Variants in UBASH3B observed in about 807,000 individuals in gnomAD.
UBASH3B encodes the protein ubiquitin-associated and SH3 domain-containing protein B.
In UBASH3B, 37 loss-of-function variants were observed where a neutral mutation model predicts 83.4. The observed-to-expected ratio is 0.44, with a 90% CI of 0.34 to 0.58. The LOEUF is 0.58. Among genes scored for constraint, UBASH3B ranks in the 20% least tolerant of loss-of-function variants. The pLI is 0.01. For missense variants in UBASH3B, 657 were observed against 827.2 expected (o/e 0.79, Z 2.52); for synonymous variants, 304 against 318.3 (o/e 0.96, Z 0.48).
intron 1 of UBASH3B, among the ~76,000 whole-genome samples, chr11:122,718,383 TTGGGTA>T: frequency 6.6e-6 from 1 of 152,190 alleles, no homozygotes. Context: ...GTGCATGGCA[TTGGGTA>T]CTAGTGTTAT....
Position 122,814,145 on chromosome 11 carries a change from C to T in UBASH3B, c.*4259C>T, listed in dbSNP as rs1861500350. The stretch of plus-strand genomic sequence containing the variant: ...TGCCACTCAAGATGGAAACACCATG[C>T]CAAGGCATTTTGGTTATACACAGAT... On this transcript the variant is annotated 3_prime_UTR_variant, in exon 14 of 14. Coordinates refer to ENST00000284273, the MANE Select transcript of UBASH3B (RefSeq NM_032873.5). 6.6e-6 allele frequency: 1 copy of T among 152,620 alleles called. No homozygotes were observed. The highest frequency in any genetic ancestry group is 1.5e-5 in the Non-Finnish European group (1 of 68,050). 9.5% of individuals were successfully genotyped at this position (152,620 alleles called of 1,614,324 possible). A position where few individuals can be genotyped will look rare whatever the true frequency, so the allele number is the denominator to read the frequency against.
At chr11:122,744,118 G>A (rs186019481) in intron 1 of UBASH3B, among the ~76,000 whole-genome samples, 56 of 152,220 alleles carry the variant, frequency 3.7e-4, no homozygotes, top group Admixed American at 1.2e-3. Flanking sequence ...CCTTTACAGC[G>A]GTTCTCACTT....
chr11:122,668,774 A>G (rs1393289770), intron 1 of UBASH3B, among the ~76,000 whole-genome samples: 1 of 152,216 alleles, frequency 6.6e-6, no homozygotes, highest in Non-Finnish European at 1.5e-5. Context: ...AAGTGATACT[A>G]TTATTTGTTA....
chr11:122,725,561 G>A (rs1055410416), intron 1 of UBASH3B, among the ~76,000 whole-genome samples: 129 of 33,424 alleles, frequency 3.9e-3, no homozygotes, highest in Admixed American at 3.5e-3. Flanking sequence ...GTGCAGTAGC[G>A]ACATTATACT....
chr11:122,678,074 A>G (rs2135906322), intron 1 of UBASH3B, among the ~76,000 whole-genome samples: 1 of 152,378 alleles, frequency 6.6e-6, no homozygotes, highest in Admixed American at 6.5e-5. Context: ...TATAGGCATG[A>G]GCCAAGGGCA....
chr11:122,805,295 C>T (rs189662824), intron 11 of UBASH3B, among the ~76,000 whole-genome samples: 4 of 152,186 alleles, frequency 2.6e-5, no homozygotes, highest in South Asian at 2.1e-4. Flanking sequence ...TTTGGGAGGC[C>T]GAGGTGGGCG....
intron 1 of UBASH3B, among the ~76,000 whole-genome samples, chr11:122,765,033 G>A (rs1860508097): frequency 6.6e-6 from 1 of 151,938 alleles, no homozygotes; most frequent in African/African-American, 2.4e-5. Flanking sequence ...AAATGTAGGG[G>A]GAAGCTATCC....
chr11:122,680,191 G>A (rs931680968), intron 1 of UBASH3B, among the ~76,000 whole-genome samples: 2 of 152,232 alleles, frequency 1.3e-5, no homozygotes, highest in Non-Finnish European at 2.9e-5. Context: ...TACAAAAGCA[G>A]GAGGTGGGCT....
intron 1 of UBASH3B, among the ~76,000 whole-genome samples, chr11:122,760,937 T>C (rs1364045002): frequency 6.6e-6 from 1 of 152,198 alleles, no homozygotes; most frequent in African/African-American, 2.4e-5. Flanking sequence ...CCCAAGACCA[T>C]CCAGTTGTTT....
At position 122,655,982 on chromosome 11, in the gene UBASH3B, C is replaced by G; in HGVS notation, c.-68C>G. 2 of 1,392,444 alleles carry G rather than the reference C, an allele frequency of 1.4e-6. No homozygotes were observed. Among genetic ancestry groups the G allele is most frequent in the Non-Finnish European group, 1.9e-6 (2 of 1,061,524 alleles). 86.3% of individuals were successfully genotyped at this position (1,392,444 alleles called of 1,614,324 possible). A position where few individuals can be genotyped will look rare whatever the true frequency, so the allele number is the denominator to read the frequency against. On this transcript the variant is annotated 5_prime_UTR_variant, in exon 1 of 14. Transcript: ENST00000284273. ...CCGAGCCCCCTCCCCTGGCCCAGCCCGACTCCCTCCTCCTTCCCGAACCAT... is the reference window on the plus strand; with the variant it reads ...CCGAGCCCCCTCCCCTGGCCCAGCCGGACTCCCTCCTCCTTCCCGAACCAT...
At position 122,806,135 on chromosome 11, in the gene UBASH3B, T is replaced by C. The variant is rs767436404; in HGVS notation, c.1596-275T>C. On this transcript the variant is annotated intron_variant, in intron 11 of 13. Coordinates refer to ENST00000284273, the MANE Select transcript of UBASH3B (RefSeq NM_032873.5). The surrounding 1 kb of genome is among the most constrained non-coding windows in gnomAD (Gnocchi z 4.0). ...ACTAGGACCATCCATCAATGGCTTA[T>C]TTGTTATCCCGAGAGTGAAACATGC... 6.6e-6 allele frequency among the ~76,000 whole-genome samples: 1 copy of C among 150,388 alleles called. No homozygotes were observed. Among genetic ancestry groups the C allele is most frequent in the Non-Finnish European group, 1.5e-5 (1 of 68,038 alleles).
rs927520569 is a variant in UBASH3B at position 122,807,697 on chromosome 11, C to G, written c.1703-370C>G. Among the ~76,000 whole-genome samples the G allele has an allele frequency of 3.9e-5, 6 of 152,136 alleles. No individual in the cohort carries two copies. In the South Asian group the frequency reaches 1.3e-3, roughly 32 times the overall value. Reference sequence around the variant, plus strand: ...TCCCAAGTAGCTGGGACTGCAGGCACAGGCCACCACACCCAGCTAATTTTT... The same window carrying G: ...TCCCAAGTAGCTGGGACTGCAGGCAGAGGCCACCACACCCAGCTAATTTTT... On this transcript the variant is annotated intron_variant, in intron 12 of 13. Transcript: ENST00000284273.
chr11:122,757,995 C>T (rs557268459), intron 1 of UBASH3B, among the ~76,000 whole-genome samples: 2 of 152,288 alleles, frequency 1.3e-5, no homozygotes, highest in East Asian at 3.9e-4. Flanking sequence ...CGTGAGCCAC[C>T]GCACCAGGCC....
In UBASH3B at chr11:122,809,788, G is replaced by A. The variant is rs1001323618; in HGVS notation, c.1852G>A (p.Glu618Lys). The stretch of plus-strand genomic sequence containing the variant: ...ATTTTGTTCCTGTGAAGAATTAGGA[G>A]AAACTGGAATATGGCAGCTGACAGA... ...LGFCSCEELG[E>K]TGIWQLTDPP... Residue 618 changes from glutamate (E) to lysine (K), a missense_variant, in exon 14 of 14, where the codon GAA becomes AAA. Physicochemically the swap from Glu to Lys is moderately conservative, Grantham distance 56 (BLOSUM62 1). Around this residue, in one of 3 missense-constraint regions of UBASH3B, gnomAD observed 573 missense variants for 739.0 expected, o/e 0.78. Coordinates refer to ENST00000284273, the MANE Select transcript of UBASH3B (RefSeq NM_032873.5). 6.0e-5 allele frequency: 97 copies of A among 1,614,050 alleles called. No individual in the cohort carries two copies. Among genetic ancestry groups the A allele is most frequent in the Middle Eastern group, 1.6e-4 (1 of 6,082 alleles).
At chr11:122,689,404 T>G (rs892559637) in intron 1 of UBASH3B, among the ~76,000 whole-genome samples, 2 of 152,188 alleles carry the variant, frequency 1.3e-5, no homozygotes, top group Non-Finnish European at 2.9e-5. Context: ...TAGATGAATA[T>G]TCTTACACAC....
At chr11:122,800,959 T>C (rs1861248492) in intron 10 of UBASH3B, among the ~76,000 whole-genome samples, 1 of 152,188 alleles carries the variant, frequency 6.6e-6, no homozygotes, top group Non-Finnish European at 1.5e-5. Context: ...AAGTCAGATA[T>C]GACTTAAAGC....
chr11:122,781,103 G>A (rs1055853164), intron 4 of UBASH3B, among the ~76,000 whole-genome samples: 10 of 152,038 alleles, frequency 6.6e-5, no homozygotes, highest in African/African-American at 2.4e-4. Flanking sequence ...CAGTGCTCTC[G>A]GAAGGAACAC....
rs1861343157 is a variant in UBASH3B, at chr11:122,806,587, C to T, written c.1702+71C>T. ...TCTCTATAATGGTTAATAGGTTATTCAAGATGTTTCAACTTGCTTTGGCTA... is the reference window on the plus strand; with the variant it reads ...TCTCTATAATGGTTAATAGGTTATTTAAGATGTTTCAACTTGCTTTGGCTA... On this transcript the variant is annotated intron_variant, in intron 12 of 13. Coordinates refer to ENST00000284273, the MANE Select transcript of UBASH3B (RefSeq NM_032873.5). This position sits in a 1 kb window ranked among gnomAD's most constrained non-coding sequence, Gnocchi z 4.0. 8.5e-6 allele frequency: 12 copies of T among 1,417,340 alleles called. No individual in the cohort carries two copies. In the South Asian group the frequency reaches 1.9e-4, roughly 22 times the overall value. 87.8% of individuals were successfully genotyped at this position (1,417,340 alleles called of 1,614,324 possible).
intron 1 of UBASH3B, among the ~76,000 whole-genome samples, chr11:122,712,056 C>A (rs1359956848): frequency 6.8e-6 from 1 of 147,646 alleles, no homozygotes; most frequent in Non-Finnish European, 1.5e-5. Flanking sequence ...TTTTTTACTG[C>A]ATTGCTGTTC....
Sources: gnomAD v4.1 joint callset for allele counts (sites outside exome capture counted in the v4.1 genomes callset) on GRCh38, gnomAD v4.1.1 for gene constraint, gnomAD v4.1.1 regional missense constraint, Gnocchi (gnomAD v3.1) non-coding constraint, MANE v1.5 for transcripts, NCBI Gene and HGNC (gene_info 2026-07-23, HGNC 2026-07-21) for gene names.